Variants in FBXL14 observed in about 807,000 individuals in gnomAD.
FBXL14 encodes F-box/LRR-repeat protein 14.
A neutral mutation model predicts 24.5 loss-of-function variants in FBXL14; 11 were observed. The ratio of observed to expected loss-of-function variants is 0.45; its 90% CI spans 0.28 to 0.74. The LOEUF (loss-of-function observed/expected upper bound fraction) is 0.74. Among genes scored for constraint, FBXL14 ranks in the 30% least tolerant of loss-of-function variants. FBXL14 has a pLI of 0.12. For synonymous variants in FBXL14, 294 were observed against 240.4 expected (o/e 1.22, Z -2.06); for missense variants, 384 against 545.6 (o/e 0.70, Z 2.95).
At chr12:1,581,496 G>A (rs2094466278) in intron 1 of FBXL14, among the ~76,000 whole-genome samples, 1 of 152,192 alleles carries the variant, frequency 6.6e-6, no homozygotes. Flanking sequence ...TAGAGTAATT[G>A]CTGCCTGAAG....
In FBXL14 at chr12:1,594,154, CCAG is replaced by C; in HGVS notation, c.-91_-89del. The C allele has an allele frequency of 1.3e-6, 1 of 791,564 alleles. No individual in the cohort carries two copies. The highest frequency in any genetic ancestry group is 1.6e-6 in the Non-Finnish European group (1 of 626,366). The allele number at this position is 791,564 out of a possible 1,614,324, so 49.0% of individuals were successfully genotyped here. On this transcript the variant is annotated 5_prime_UTR_variant, in exon 1 of 2. Transcript: ENST00000339235. Reference sequence around the variant, plus strand: ...GGGCAGGCGACGAGAGCGCTTCTCCCCAGCCGCCGCCGCCGCCGCCGCCGCCGC... The same window carrying C: ...GGGCAGGCGACGAGAGCGCTTCTCCCCCGCCGCCGCCGCCGCCGCCGCCGC...
chr12:1,579,089 C>T lies in FBXL14; in HGVS notation c.1195-12279G>A, dbSNP rs182417595. Among the ~76,000 whole-genome samples the T allele has an allele frequency of 2.5e-3, 376 of 152,102 alleles. 2 individuals carry two copies. The highest frequency in any genetic ancestry group is 8.0e-3 in the African/African-American group (330 of 41,500). ...CTTCTACTTGCTTTCTTTAGGGAAACGACATGGTCTCCTCCTGTAACACTC... is the reference window on the plus strand; with the variant it reads ...CTTCTACTTGCTTTCTTTAGGGAAATGACATGGTCTCCTCCTGTAACACTC... On this transcript the variant is annotated intron_variant, in intron 1 of 1. Coordinates refer to ENST00000339235, the MANE Select transcript of FBXL14 (RefSeq NM_152441.3). This position sits in a 1 kb window ranked among gnomAD's most constrained non-coding sequence, Gnocchi z 4.3.
intron 1 of FBXL14, among the ~76,000 whole-genome samples, chr12:1,592,667 A>C (rs1479147233): frequency 6.6e-6 from 1 of 152,178 alleles, no homozygotes; most frequent in African/African-American, 2.4e-5. Context: ...GTAGGGTAGG[A>C]ACCCCAGCTG....
upstream of FBXL14, among the ~76,000 whole-genome samples, chr12:1,594,659 G>A (rs944353755): frequency 1.4e-3 from 210 of 149,100 alleles, 2 homozygotes; most frequent in African/African-American, 4.5e-3. Flanking sequence ...CCGGCGGCGT[G>A]CGTTCCTTCT....
At chr12:1,584,348 C>G (rs1051672680) in intron 1 of FBXL14, among the ~76,000 whole-genome samples, 1 of 152,212 alleles carries the variant, frequency 6.6e-6, no homozygotes, top group Non-Finnish European at 1.5e-5. Flanking sequence ...GAGACCCCAA[C>G]TCTAAAAATC....
chr12:1,593,708 C>T lies in FBXL14; in HGVS notation c.359G>A (p.Arg120His), dbSNP rs1021829536. 1.9e-6 allele frequency: 3 copies of T among 1,614,020 alleles called. No individual in the cohort carries two copies. Among genetic ancestry groups the T allele is most frequent in the Non-Finnish European group, 2.5e-6 (3 of 1,180,032 alleles). ...HAFVQEIGSL[R>H]ALNLSLCKQI... ...CTTGCAGAGGCTCAGGTTGAGAGCGCGCAGGGAGCCGATCTCCTGCACAAA... is the reference window on the plus strand; with the variant it reads ...CTTGCAGAGGCTCAGGTTGAGAGCGTGCAGGGAGCCGATCTCCTGCACAAA... The change falls in exon 1 of 2, where the codon CGC becomes CAC. Residue 120 changes from arginine (R) to histidine (H), a missense_variant. Arg to His is a conservative substitution (Grantham distance 29). Transcript: ENST00000339235. The surrounding 1 kb of genome is among the most constrained non-coding windows in gnomAD (Gnocchi z 7.4).
intron 1 of FBXL14, among the ~76,000 whole-genome samples, chr12:1,572,681 A>G (rs1395529249): frequency 6.6e-6 from 1 of 152,226 alleles, no homozygotes; most frequent in Admixed American, 6.5e-5. Context: ...GATCCCGGAC[A>G]GCGTGCAGCA....
At chr12:1,574,628 C>A in intron 1 of FBXL14, 1 of 202,210 alleles carries the variant, frequency 4.9e-6, no homozygotes, top group Non-Finnish European at 1.0e-5. Flanking sequence ...GCAGAACCTT[C>A]TTTTGAGGGA....
chr12:1,592,829 A>C (rs1435335801), intron 1 of FBXL14, 44 bp downstream of exon 1: 1 of 1,497,276 alleles, frequency 6.7e-7, no homozygotes, highest in Non-Finnish European at 9.0e-7. Flanking sequence ...GGGAGGATGA[A>C]CAGGGCGGGA....
intron 1 of FBXL14, among the ~76,000 whole-genome samples, chr12:1,576,968 C>T (rs988839631): frequency 6.6e-6 from 1 of 152,226 alleles, no homozygotes; most frequent in African/African-American, 2.4e-5. Context: ...ATGCGTTGGT[C>T]AGCAGGAATA....
At chr12:1,572,927 A>G (rs1016855317) in intron 1 of FBXL14, among the ~76,000 whole-genome samples, 5 of 152,230 alleles carry the variant, frequency 3.3e-5, no homozygotes, top group Non-Finnish European at 7.3e-5. Context: ...TCCTTTGGGC[A>G]CAGGATGTAA....
In FBXL14 at chr12:1,593,233, G is replaced by A; in HGVS notation, c.834C>T (p.Ser278=). 2.5e-6 allele frequency: 4 copies of A among 1,612,616 alleles called. No homozygotes were observed. Among genetic ancestry groups the A allele is most frequent in the Non-Finnish European group, 2.5e-6 (3 of 1,180,020 alleles). The part of the protein sequence containing the change: ...DTGIMHLAMG[S]LRLSGLDVSF... Reference sequence around the variant, plus strand: ...AAACATCCAGCCCCGAGAGGCGCAGGCTGCCCATGGCCAGATGCATGATGC... The same window carrying A: ...AAACATCCAGCCCCGAGAGGCGCAGACTGCCCATGGCCAGATGCATGATGC... The change falls in exon 1 of 2, where the codon AGC becomes AGT. Residue 278 remains serine, a synonymous_variant. Coordinates refer to ENST00000339235, the MANE Select transcript of FBXL14 (RefSeq NM_152441.3). The surrounding 1 kb of genome is among the most constrained non-coding windows in gnomAD (Gnocchi z 7.4).
chr12:1,578,919 C>G (rs78690218), intron 1 of FBXL14, among the ~76,000 whole-genome samples: 4,874 of 152,108 alleles, frequency 0.032, 185 homozygotes, highest in East Asian at 0.17. Flanking sequence ...TATCCCTTCA[C>G]CTTTCTAGAG....
At chr12:1,584,646 G>A (rs1004732807) in intron 1 of FBXL14, among the ~76,000 whole-genome samples, 9 of 152,200 alleles carry the variant, frequency 5.9e-5, no homozygotes, top group African/African-American at 9.7e-5. Flanking sequence ...TCGTACAACC[G>A]TCAGCTGTCA....
At position 1,567,308 on chromosome 12, in the gene FBXL14, A is replaced by C. The variant is rs1358952693; in HGVS notation, c.1195-498T>G. Among the ~76,000 whole-genome samples the C allele has an allele frequency of 6.6e-6, 1 of 151,940 alleles. No homozygotes were observed. Among genetic ancestry groups the C allele is most frequent in the African/African-American group, 2.4e-5 (1 of 41,342 alleles). On this transcript the variant is annotated intron_variant, in intron 1 of 1. Transcript: ENST00000339235. This position sits in a 1 kb window ranked among gnomAD's most constrained non-coding sequence, Gnocchi z 4.8. The stretch of plus-strand genomic sequence containing the variant: ...CAAAACCCCATCTCTACTAAAAATA[A>C]AAATTAAAAAAAAGGAAAAGAAAGA...
chr12:1,582,334 G>A (rs769658347), intron 1 of FBXL14, among the ~76,000 whole-genome samples: 4 of 152,136 alleles, frequency 2.6e-5, no homozygotes, highest in Admixed American at 6.5e-5. Flanking sequence ...CAGTTCTTCC[G>A]AGGAGCAGCT....
chr12:1,581,920 T>A (rs1294599963), intron 1 of FBXL14, among the ~76,000 whole-genome samples: 1 of 150,552 alleles, frequency 6.6e-6, no homozygotes, highest in Non-Finnish European at 1.5e-5. Flanking sequence ...AGGTCAGGAG[T>A]TCAAGACCTG....
intron 1 of FBXL14, among the ~76,000 whole-genome samples, chr12:1,571,544 A>G (rs2094445584): frequency 6.6e-6 from 1 of 152,230 alleles, no homozygotes; most frequent in African/African-American, 2.4e-5. Flanking sequence ...GCAGAGCTTA[A>G]GCAACACAGC....
intron 1 of FBXL14, among the ~76,000 whole-genome samples, chr12:1,570,866 T>C (rs557337248): frequency 6.6e-6 from 1 of 152,196 alleles, no homozygotes; most frequent in South Asian, 2.1e-4. Flanking sequence ...GGTGTGGTCA[T>C]GATGGGAGGA....
Sources: gnomAD v4.1 joint callset for allele counts (sites outside exome capture counted in the v4.1 genomes callset) on GRCh38, gnomAD v4.1.1 for gene constraint, Gnocchi (gnomAD v3.1) non-coding constraint, MANE v1.5 for transcripts, NCBI Gene and HGNC (gene_info 2026-07-23, HGNC 2026-07-21) for gene names.